Variants in KIF1C observed in about 807,000 individuals in gnomAD.
KIF1C encodes kinesin-like protein KIF1C.
In KIF1C, 61 loss-of-function variants were observed where a neutral mutation model predicts 126.5. That is an observed-to-expected ratio of 0.48 (90% CI 0.39 to 0.60). The LOEUF (loss-of-function observed/expected upper bound fraction) is 0.60, where lower values mean the gene tolerates loss of function less well. Among genes scored for constraint, KIF1C ranks in the 20% least tolerant of loss-of-function variants. KIF1C has a pLI of 0.00. For missense variants in KIF1C, 1,315 were observed against 1,489.2 expected, an observed-to-expected ratio of 0.88 and a Z score of 1.93; for synonymous variants, 640 against 580.6, an observed-to-expected ratio of 1.10 and a Z score of -1.47.
At chr17:5,005,142 G>T in intron 13 of KIF1C, 142 bp downstream of exon 13, 2 of 1,015,046 alleles carry the variant, frequency 2.0e-6, no homozygotes, top group Non-Finnish European at 2.9e-6. Context: ...GGACACAGAT[G>T]TGGAGAGGGA....
chr17:4,999,987 GC>G lies in KIF1C; in HGVS notation c.-28+20del. ...GGACGCCAGGTAACTGGGGGAGACC[GC>G]CCAGGTTCCTGCAAGCTGGAATATG... On this transcript the variant is annotated intron_variant, in intron 2 of 22. Transcript: ENST00000320785. The G allele has an allele frequency of 2.1e-6, 1 of 484,928 alleles. No homozygotes were observed. The allele number at this position is 484,928 out of a possible 1,614,324, so 30.0% of individuals were successfully genotyped here.
chr17:5,020,701 C>A lies in KIF1C; in HGVS notation c.1937+23C>A. 1 of 1,611,586 alleles carries A rather than the reference C, an allele frequency of 6.2e-7. No homozygotes were observed. Among genetic ancestry groups the A allele is most frequent in the South Asian group, 1.1e-5 (1 of 90,990 alleles). ...GAGGTGCGAGGGGGTTACCCACGTG[C>A]CCCATGGCCGTCTAGGCCGTCCCTC... On this transcript the variant is annotated intron_variant, in intron 20 of 22. Coordinates refer to ENST00000320785, the MANE Select transcript of KIF1C (RefSeq NM_006612.6). The surrounding 1 kb of genome is among the most constrained non-coding windows in gnomAD (Gnocchi z 5.8).
intron 18 of KIF1C, among the ~76,000 whole-genome samples, chr17:5,018,770 T>C (rs1051756280): frequency 2.6e-5 from 4 of 152,176 alleles, no homozygotes; most frequent in Non-Finnish European, 5.9e-5. Flanking sequence ...TCTTGTTTAT[T>C]GTCTGTCTTA....
In KIF1C at chr17:5,002,602, G is replaced by A. The variant is rs752855724; in HGVS notation, c.568G>A (p.Ala190Thr). 48 of 1,613,866 alleles carry A rather than the reference G, an allele frequency of 3.0e-5. No homozygotes were observed. The Middle Eastern group carries it at 1.2e-3, about 39-fold the overall frequency. ...DLSKLAVTSY[A>T]DIADLMDCGN... is the part of the protein sequence containing the mutation. ...GTCCAAATTGGCTGTGACCTCCTACGCAGACATTGCTGACCTCATGGACTG... is the reference window on the plus strand; with the variant it reads ...GTCCAAATTGGCTGTGACCTCCTACACAGACATTGCTGACCTCATGGACTG... Residue 190 changes from alanine (A) to threonine (T), a missense_variant, in exon 7 of 23, where the codon GCA becomes ACA. By Grantham distance (58) the Ala-to-Thr change is moderately conservative. Coordinates refer to ENST00000320785, the MANE Select transcript of KIF1C (RefSeq NM_006612.6).
rs1975149816 is a variant in KIF1C, at chr17:5,023,916, C to A, written c.3077C>A (p.Ser1026Tyr). The A allele has an allele frequency of 6.4e-7, 1 of 1,563,724 alleles. No individual in the cohort carries two copies. Among genetic ancestry groups the A allele is most frequent in the Non-Finnish European group, 8.7e-7 (1 of 1,153,818 alleles). Residue 1026 changes from serine (S) to tyrosine (Y), a missense_variant, in exon 23 of 23, where the codon TCC (serine) becomes TAC (tyrosine). Around this residue, in one of 2 missense-constraint regions of KIF1C, gnomAD observed 441 missense variants for 436.1 expected, o/e 1.01. Coordinates refer to ENST00000320785, the MANE Select transcript of KIF1C (RefSeq NM_006612.6). The surrounding 1 kb of genome is among the most constrained non-coding windows in gnomAD (Gnocchi z 4.2). Reference protein sequence around the residue: ...PARRPPSPRRSHHPRRNSLDG... With the variant: ...PARRPPSPRRYHHPRRNSLDG... ...CGCCGGCCTCCGAGTCCCCGAAGGTCCCACCATCCCCGCAGGAACTCCCTG... is the reference window on the plus strand; with the variant it reads ...CGCCGGCCTCCGAGTCCCCGAAGGTACCACCATCCCCGCAGGAACTCCCTG...
chr17:5,014,704 C>G (rs562185313), intron 17 of KIF1C, 39 bp from the exon 18 acceptor site: 3 of 1,475,278 alleles, frequency 2.0e-6, no homozygotes, highest in Non-Finnish European at 2.8e-6. Flanking sequence ...TGGTTAAAGT[C>G]TGGCACATGC....
chr17:5,024,765 G>C lies in KIF1C; in HGVS notation c.*614G>C, dbSNP rs180875944. On this transcript the variant is annotated 3_prime_UTR_variant, in exon 23 of 23. Coordinates refer to ENST00000320785, the MANE Select transcript of KIF1C (RefSeq NM_006612.6). ...GTAGGTTATATAAGGCAATGGCACA[G>C]GTCTTAAGCATACTTATCAGTGAAG... is the stretch of plus-strand genomic sequence containing the variant. 1 of 152,942 alleles carries C rather than the reference G, an allele frequency of 6.5e-6. No individual in the cohort carries two copies. The highest frequency in any genetic ancestry group is 6.5e-5 in the Admixed American group (1 of 15,306). 9.5% of individuals were successfully genotyped at this position (152,942 alleles called of 1,614,324 possible). A position where few individuals can be genotyped will look rare whatever the true frequency, so the allele number is the denominator to read the frequency against.
In KIF1C at chr17:5,022,046, C is replaced by A; in HGVS notation, c.2011-46C>A. 1 of 1,543,552 alleles carries A rather than the reference C, an allele frequency of 6.5e-7. No homozygotes were observed. ...CACACTGGGCCAAGACACATGGGCT[C>A]TGGATGTCCTTAGCCCTCTCTTCCT... On this transcript the variant is annotated intron_variant, in intron 21 of 22. Transcript: ENST00000320785. The surrounding 1 kb of genome is among the most constrained non-coding windows in gnomAD (Gnocchi z 4.9).
chr17:5,015,535 C>T (rs971816707), intron 18 of KIF1C, among the ~76,000 whole-genome samples: 2 of 147,030 alleles, frequency 1.4e-5, no homozygotes, highest in African/African-American at 5.0e-5. Context: ...CCGCCTGCCT[C>T]GGCCTTCCGA....
chr17:5,005,042 C>T (rs770363714), intron 13 of KIF1C, 42 bp downstream of exon 13: 5 of 1,611,900 alleles, frequency 3.1e-6, no homozygotes, highest in Non-Finnish European at 4.2e-6. Flanking sequence ...TGCCCCTTGG[C>T]CCACCCCATC....
chr17:5,011,990 C>A (rs534224180), intron 16 of KIF1C: 3 of 152,184 alleles, frequency 2.0e-5, no homozygotes, highest in Admixed American at 6.5e-5. Flanking sequence ...CATGTGAGTC[C>A]CTCCCAGAAC....
intron 16 of KIF1C, among the ~76,000 whole-genome samples, chr17:5,011,217 A>G (rs946877137): frequency 6.6e-6 from 1 of 152,134 alleles, no homozygotes. Context: ...CTCATGGGGA[A>G]ATGGGTTTGG....
At chr17:5,004,096 C>A in intron 11 of KIF1C, 23 bp downstream of exon 11, 1 of 1,517,784 alleles carries the variant, frequency 6.6e-7, no homozygotes, top group African/African-American at 1.4e-5. Flanking sequence ...TCCTCTTTCT[C>A]TGCCGACCCT....
Position 5,002,750 on chromosome 17 carries a change from A to G in KIF1C, c.628A>G (p.Met210Val), listed in dbSNP as rs938481858. Residue 210 changes from methionine to valine, a missense_variant, in exon 8 of 23, where the codon ATG (methionine) becomes GTG (valine). This residue lies in a region of KIF1C where 874 missense variants were observed against 1,053.2 expected (regional missense o/e 0.83). Transcript: ENST00000320785. ...NKARTVAATN[M>V]NETSSRSHAV... ...CCTAAGGACTGTGGCTGCCACCAACATGAATGAGACCAGCAGCCGTTCCCA... is the reference window on the plus strand; with the variant it reads ...CCTAAGGACTGTGGCTGCCACCAACGTGAATGAGACCAGCAGCCGTTCCCA... The G allele has an allele frequency of 6.2e-7, 1 of 1,614,054 alleles. No individual in the cohort carries two copies. The highest frequency in any genetic ancestry group is 8.5e-7 in the Non-Finnish European group (1 of 1,179,990).
At position 5,023,643 on chromosome 17, in the gene KIF1C, G is replaced by A. The variant is rs1248020072; in HGVS notation, c.2804G>A (p.Arg935His). 6 of 1,612,926 alleles carry A rather than the reference G, an allele frequency of 3.7e-6. No homozygotes were observed. The Admixed American group carries it at 5.0e-5, about 13-fold the overall frequency. The change falls in exon 23 of 23, where the codon CGT becomes CAT. Residue 935 changes from arginine (R) to histidine (H), a missense_variant. Arg to His is a conservative substitution (Grantham distance 29, BLOSUM62 0). Around this residue, in one of 2 missense-constraint regions of KIF1C, gnomAD observed 441 missense variants for 436.1 expected, o/e 1.01. Transcript: ENST00000320785. The surrounding 1 kb of genome is among the most constrained non-coding windows in gnomAD (Gnocchi z 4.2). The stretch of plus-strand genomic sequence containing the variant: ...CTCATGGAGGAGGACCCTGCCTTCC[G>A]TCGTGGTCGTCTTCGCTGGCTCAAG... ...SRLMEEDPAFRRGRLRWLKQE... is the reference protein window; with the variant it reads ...SRLMEEDPAFHRGRLRWLKQE...
In KIF1C at chr17:5,003,909, C is replaced by T; in HGVS notation, c.857C>T (p.Ala286Val). The change falls in exon 10 of 23, where the codon GCA becomes GTA. Residue 286 changes from alanine to valine, a missense_variant. Around this residue, in one of 2 missense-constraint regions of KIF1C, gnomAD observed 874 missense variants for 1,053.2 expected, o/e 0.83. Transcript: ENST00000320785. ...TTLGKVISAL[A>V]DMQSKKRKSD... ...CTAGGGAAAGTGATCTCGGCCCTTG[C>T]AGATATGGTGAGACCTGGGTGTTGG... 4 of 1,613,730 alleles carry T rather than the reference C, an allele frequency of 2.5e-6. No individual in the cohort carries two copies. The highest frequency in any genetic ancestry group is 3.4e-6 in the Non-Finnish European group (4 of 1,179,678).
chr17:5,020,066 G>C lies in KIF1C; in HGVS notation c.1737G>C (p.Leu579=), dbSNP rs1354277242. The change falls in exon 19 of 23, where the codon CTG becomes CTC. Residue 579 remains leucine, a synonymous_variant. Transcript: ENST00000320785. The surrounding 1 kb of genome is among the most constrained non-coding windows in gnomAD (Gnocchi z 5.8). ...YVNGKLVTEP[L]VLKSGNRIVM... ...ATGGGAAGCTTGTGACGGAGCCGCT[G>C]GTGCTGAAGTCAGGTAGAAGATGTG... 2 of 1,593,800 alleles carry C rather than the reference G, an allele frequency of 1.3e-6. No individual in the cohort carries two copies. Among genetic ancestry groups the C allele is most frequent in the Non-Finnish European group, 1.7e-6 (2 of 1,169,808 alleles).
At position 5,002,139 on chromosome 17, in the gene KIF1C, T is replaced by C. The variant is rs374264140; in HGVS notation, c.429+15T>C. 1.9e-5 allele frequency: 30 copies of C among 1,612,528 alleles called. No homozygotes were observed. The highest frequency in any genetic ancestry group is 1.3e-4 in the Admixed American group (8 of 59,978). ...ACTCTGTGGAGGTAAGCCCGGGTCT[T>C]GGTGGCAGGGCTGAGAGGGGTCCAG... is the stretch of plus-strand genomic sequence containing the variant. On this transcript the variant is annotated intron_variant, in intron 6 of 22. Transcript: ENST00000320785.
chr17:5,027,108 CTG>C lies in KIF1C; in HGVS notation c.*2958_*2959del, dbSNP rs1357090721. 2.0e-5 allele frequency: 3 copies of C among 152,122 alleles called. No individual in the cohort carries two copies. Among genetic ancestry groups the C allele is most frequent in the East Asian group, 1.9e-4 (1 of 5,202 alleles). 9.4% of individuals were successfully genotyped at this position (152,122 alleles called of 1,614,324 possible). On this transcript the variant is annotated 3_prime_UTR_variant, in exon 23 of 23. Coordinates refer to ENST00000320785, the MANE Select transcript of KIF1C (RefSeq NM_006612.6). Reference sequence around the variant, plus strand: ...TGTCTGCATTTTTCAGATGGGAAGACTGAGGTTTTGTTTATTTATTTTTATTT... The same window carrying C: ...TGTCTGCATTTTTCAGATGGGAAGACAGGTTTTGTTTATTTATTTTTATTT...
Sources: allele counts gnomAD v4.1 joint callset (sites outside exome capture counted in the v4.1 genomes callset), GRCh38; gene constraint gnomAD v4.1.1; regional missense constraint gnomAD v4.1.1; non-coding constraint Gnocchi (gnomAD v3.1); transcripts MANE v1.5; gene names NCBI Gene and HGNC (gene_info 2026-07-23, HGNC 2026-07-21).